The following TESC variants were observed in gnomAD, a reference collection of about 807,000 sequenced individuals.
The protein encoded by TESC is calcineurin B homologous protein 3.
Under a neutral mutation model 31.0 loss-of-function variants are expected in TESC, and 19 were observed. That is an observed-to-expected ratio of 0.61 (90% CI 0.43 to 0.90). The LOEUF (loss-of-function observed/expected upper bound fraction) is 0.90, where lower values mean the gene tolerates loss of function less well. Among genes scored for constraint, TESC ranks in the 40% least tolerant of loss-of-function variants. The pLI is 0.00. For synonymous variants in TESC, 109 were observed against 114.8 expected (o/e 0.95, Z 0.32); for missense variants, 248 against 303.8 (o/e 0.82, Z 1.36).
chr12:117,092,510 T>A (rs2064850430), intron 1 of TESC, among the ~76,000 whole-genome samples: 2 of 152,144 alleles, frequency 1.3e-5, no homozygotes, highest in South Asian at 2.1e-4. Flanking sequence ...GAAGCCCCCA[T>A]CCAGTCAAGG....
At position 117,048,332 on chromosome 12, in the gene TESC, G is replaced by A. The variant is rs963868553; in HGVS notation, c.349+687C>T. Among the ~76,000 whole-genome samples, 5 of 152,158 alleles carry A rather than the reference G, an allele frequency of 3.3e-5. No individual in the cohort carries two copies. The South Asian group carries it at 6.2e-4, about 19-fold the overall frequency. On this transcript the variant is annotated intron_variant, in intron 4 of 7. Transcript: ENST00000335209. ...CACCCGGGCTGTTCCCACCAGCCCC[G>A]CATACACATTCCAGTGCTAAATATA... is the stretch of plus-strand genomic sequence containing the variant.
intron 6 of TESC, among the ~76,000 whole-genome samples, chr12:117,045,101 G>C (rs1258286776): frequency 6.6e-6 from 1 of 152,216 alleles, no homozygotes; most frequent in Non-Finnish European, 1.5e-5. Flanking sequence ...AGCTCGGTCT[G>C]GGTTTATCTG....
chr12:117,063,932 C>G (rs1954834647), intron 2 of TESC, among the ~76,000 whole-genome samples: 1 of 152,162 alleles, frequency 6.6e-6, no homozygotes. Context: ...TAGAGATGCA[C>G]CATCTCTCCC....
intron 2 of TESC, among the ~76,000 whole-genome samples, chr12:117,073,390 T>G (rs1955003613): frequency 6.6e-6 from 1 of 152,202 alleles, no homozygotes; most frequent in Non-Finnish European, 1.5e-5. Context: ...ATTAAAGGTA[T>G]AAATCTTAAT....
intron 3 of TESC, 85 bp from the exon 4 acceptor site, chr12:117,049,243 C>T: frequency 3.8e-6 from 6 of 1,576,562 alleles, no homozygotes; most frequent in Non-Finnish European, 4.3e-6. Context: ...GAGAACTCCG[C>T]TCTCAGGGTG....
intron 3 of TESC, among the ~76,000 whole-genome samples, chr12:117,055,781 A>AG (rs1261081054): frequency 6.6e-6 from 1 of 152,254 alleles, no homozygotes; most frequent in Non-Finnish European, 1.5e-5. Context: ...CCATGAGGCA[A>AG]GACCTCAGCC....
intron 1 of TESC, among the ~76,000 whole-genome samples, chr12:117,096,546 G>A (rs1341727768): frequency 2.6e-5 from 4 of 151,778 alleles, no homozygotes; most frequent in African/African-American, 4.9e-5. Flanking sequence ...GCTATGGCTC[G>A]GAGCGACCAG....
chr12:117,049,463 A>G (rs1954615853), intron 3 of TESC, among the ~76,000 whole-genome samples: 1 of 152,218 alleles, frequency 6.6e-6, no homozygotes, highest in Non-Finnish European at 1.5e-5. Flanking sequence ...GATGGTGCAC[A>G]CAGGCCAGCA....
intron 2 of TESC, among the ~76,000 whole-genome samples, chr12:117,059,614 C>T (rs770366390): frequency 4.6e-5 from 7 of 152,136 alleles, no homozygotes; most frequent in South Asian, 2.1e-4. Flanking sequence ...GGCTGGAGCG[C>T]GGTGGCACAA....
chr12:117,083,917 G>C (rs59191649), intron 1 of TESC: 18,336 of 151,928 alleles, frequency 0.12, 1,197 homozygotes, highest in African/African-American at 0.13. Flanking sequence ...GCTAACATGA[G>C]ACCCCATCTC....
At chr12:117,067,548 G>A (rs1954905019) in intron 2 of TESC, among the ~76,000 whole-genome samples, 1 of 152,148 alleles carries the variant, frequency 6.6e-6, no homozygotes, top group Non-Finnish European at 1.5e-5. Flanking sequence ...CCCCAGTCTG[G>A]ACAACAGAAC....
At chr12:117,057,676 C>T (rs940849278) in intron 2 of TESC, among the ~76,000 whole-genome samples, 6 of 152,190 alleles carry the variant, frequency 3.9e-5, no homozygotes, top group African/African-American at 1.4e-4. Flanking sequence ...AATTTCACAG[C>T]AGCATTGCTC....
intron 1 of TESC, among the ~76,000 whole-genome samples, chr12:117,076,556 G>A (rs182015200): frequency 9.3e-4 from 141 of 152,156 alleles, no homozygotes; most frequent in Middle Eastern, 3.4e-3. Flanking sequence ...CGATTCTCGC[G>A]CCCCAGCCTC....
At chr12:117,044,769 C>T (rs1033464316) in intron 6 of TESC, among the ~76,000 whole-genome samples, 11 of 152,166 alleles carry the variant, frequency 7.2e-5, no homozygotes, top group South Asian at 2.1e-4. Context: ...TAGTGGCACA[C>T]GCCTGTAATT....
intron 2 of TESC, 105 bp from the exon 3 acceptor site, chr12:117,056,991 G>GC (rs1565963302): frequency 2.9e-6 from 3 of 1,051,676 alleles, no homozygotes; most frequent in African/African-American, 3.1e-5. Context: ...TCCCTAACAG[G>GC]CCCCCACAAG....
At chr12:117,041,741 A>C (rs1954486746) in intron 7 of TESC, among the ~76,000 whole-genome samples, 2 of 152,224 alleles carry the variant, frequency 1.3e-5, no homozygotes. Flanking sequence ...ACTACGTGTG[A>C]ATATTACCTT....
intron 6 of TESC, among the ~76,000 whole-genome samples, chr12:117,042,263 G>T (rs533283040): frequency 1.3e-5 from 2 of 152,162 alleles, no homozygotes; most frequent in African/African-American, 4.8e-5. Flanking sequence ...GCAACGTGTG[G>T]CTCAGAGCAG....
chr12:117,059,728 G>T (rs530206130), intron 2 of TESC, among the ~76,000 whole-genome samples: 46 of 152,208 alleles, frequency 3.0e-4, no homozygotes, highest in Non-Finnish European at 5.6e-4. Flanking sequence ...GAGTAGCTGG[G>T]ATTACAGACA....
chr12:117,083,354 C>G (rs1955174668), intron 1 of TESC, among the ~76,000 whole-genome samples: 1 of 152,228 alleles, frequency 6.6e-6, no homozygotes, highest in African/African-American at 2.4e-5. Context: ...GCTGGAATTA[C>G]AGGCGTGAGC....
Sources: gnomAD v4.1 joint callset for allele counts (sites outside exome capture counted in the v4.1 genomes callset) on GRCh38, gnomAD v4.1.1 for gene constraint, MANE v1.5 for transcripts, NCBI Gene and HGNC (gene_info 2026-07-23, HGNC 2026-07-21) for gene names.